ARHGEF4: variants seen among roughly 807,000 people sequenced by gnomAD.
ARHGEF4 encodes Rho guanine nucleotide exchange factor 4.
In ARHGEF4, 119 loss-of-function variants were observed where a neutral mutation model predicts 162.0. That is an observed-to-expected ratio of 0.73 (90% CI 0.63 to 0.86). The LOEUF (loss-of-function observed/expected upper bound fraction) is 0.86. Among genes scored for constraint, ARHGEF4 ranks in the 40% least tolerant of loss-of-function variants. The probability of loss-of-function intolerance (pLI) is 0.00; values close to 1 mark genes in which losing one functional copy is unlikely to be tolerated. For synonymous variants in ARHGEF4, 1,014 were observed against 979.9 expected, an observed-to-expected ratio of 1.03 and a Z score of -0.65; for missense variants, 2,488 against 2,456.0, an observed-to-expected ratio of 1.01 and a Z score of -0.28.
chr2:130,970,092 T>C (rs1685260834), intron 4 of ARHGEF4, among the ~76,000 whole-genome samples: 1 of 152,240 alleles, frequency 6.6e-6, no homozygotes, highest in South Asian at 2.1e-4. Flanking sequence ...ATAAAGCTGC[T>C]GTGAACATTA....
At chr2:131,044,690 T>C (rs1348235944) in intron 12 of ARHGEF4, 148 bp downstream of exon 12, 1 of 1,134,754 alleles carries the variant, frequency 8.8e-7, no homozygotes, top group Non-Finnish European at 1.2e-6. Flanking sequence ...GTCCCAGTCA[T>C]GAGCATAAGG....
intron 1 of ARHGEF4, among the ~76,000 whole-genome samples, chr2:130,869,262 C>T (rs920624728): frequency 1.3e-5 from 2 of 152,134 alleles, no homozygotes; most frequent in African/African-American, 4.8e-5. Context: ...GAGAAGTAAT[C>T]TGTGCCGGTG....
intron 3 of ARHGEF4, among the ~76,000 whole-genome samples, chr2:130,946,034 T>C (rs915765655): frequency 6.6e-6 from 1 of 152,192 alleles, no homozygotes; most frequent in Non-Finnish European, 1.5e-5. Flanking sequence ...AGAAAAGGCT[T>C]ATATCCCTGG....
intron 1 of ARHGEF4, among the ~76,000 whole-genome samples, chr2:130,844,167 A>G (rs984366188): frequency 6.6e-6 from 1 of 152,268 alleles, no homozygotes; most frequent in Non-Finnish European, 1.5e-5. Flanking sequence ...TCCCTGGCTC[A>G]GGAGAAGTGC....
At chr2:130,980,014 A>T (rs756187084) in intron 4 of ARHGEF4, among the ~76,000 whole-genome samples, 6 of 152,234 alleles carry the variant, frequency 3.9e-5, no homozygotes, top group Non-Finnish European at 7.3e-5. Flanking sequence ...AACACTTCAA[A>T]CCACTGTATT....
At chr2:130,843,419 G>C (rs1037146070) in intron 1 of ARHGEF4, among the ~76,000 whole-genome samples, 1 of 152,248 alleles carries the variant, frequency 6.6e-6, no homozygotes, top group Admixed American at 6.5e-5. Flanking sequence ...GGTGGAGTGG[G>C]TGGGGCAGAC....
chr2:130,940,188 A>C (rs953838751), intron 3 of ARHGEF4, among the ~76,000 whole-genome samples: 8 of 152,182 alleles, frequency 5.3e-5, no homozygotes, highest in African/African-American at 1.9e-4. Context: ...TTGTATAGTA[A>C]TTATACAACA....
Position 131,040,125 on chromosome 2 carries a change from C to G in ARHGEF4, c.4415C>G (p.Thr1472Ser), listed in dbSNP as rs761501325. 3.7e-6 allele frequency: 6 copies of G among 1,613,254 alleles called. No homozygotes were observed. The highest frequency in any genetic ancestry group is 3.4e-6 in the Non-Finnish European group (4 of 1,179,678). The part of the protein sequence containing the change: ...EAQSSKDQMR[T>S]NVINEILSTE... ...CAGAGCAGCAAGGACCAGATGCGGACCAACGTCATCAACGAGATCCTCAGC... is the reference window on the plus strand; with the variant it reads ...CAGAGCAGCAAGGACCAGATGCGGAGCAACGTCATCAACGAGATCCTCAGC... Residue 1472 changes from threonine to serine, a missense_variant, in exon 7 of 14, where the codon ACC (threonine) becomes AGC (serine). Transcript: ENST00000409359.
intron 1 of ARHGEF4, among the ~76,000 whole-genome samples, chr2:130,902,560 C>T (rs1680546876): frequency 6.6e-6 from 1 of 151,568 alleles, no homozygotes; most frequent in Non-Finnish European, 1.5e-5. Flanking sequence ...CGCCACTGCA[C>T]TCCAGCCTGA....
chr2:131,013,441 C>G (rs1254794081), intron 4 of ARHGEF4, among the ~76,000 whole-genome samples: 1 of 152,172 alleles, frequency 6.6e-6, no homozygotes, highest in Non-Finnish European at 1.5e-5. Flanking sequence ...TGGATGGTTA[C>G]TTCAACCTAA....
intron 1 of ARHGEF4, among the ~76,000 whole-genome samples, chr2:130,890,007 A>G (rs1290697726): frequency 6.6e-6 from 1 of 152,076 alleles, no homozygotes; most frequent in East Asian, 1.9e-4. Flanking sequence ...CTCTGGCTGA[A>G]TTTAAGATAC....
chr2:131,041,600 C>A, intron 9 of ARHGEF4, 138 bp downstream of exon 9: 1 of 1,105,822 alleles, frequency 9.0e-7, no homozygotes, highest in Middle Eastern at 2.4e-4. Flanking sequence ...CTGATGAGCT[C>A]CTTGCAATGG....
At chr2:131,007,321 T>C (rs1378222121) in intron 4 of ARHGEF4, among the ~76,000 whole-genome samples, 1 of 152,140 alleles carries the variant, frequency 6.6e-6, no homozygotes, top group Admixed American at 6.5e-5. Flanking sequence ...TATGTCCCTG[T>C]CCTCTCCTCT....
intron 13 of ARHGEF4, 151 bp downstream of exon 13, chr2:131,045,597 A>G (rs539690485): frequency 1.3e-6 from 2 of 1,585,278 alleles, no homozygotes; most frequent in East Asian, 2.2e-5. Flanking sequence ...AAAGGTTGGT[A>G]ATAAGGGGCC....
At chr2:131,027,854 T>C in intron 4 of ARHGEF4, 91 bp from the exon 5 acceptor site, 12 of 1,497,476 alleles carry the variant, frequency 8.0e-6, no homozygotes, top group Non-Finnish European at 1.1e-5. Context: ...GAAGCATTTG[T>C]CCTGAACCCA....
rs77233950 is a variant in ARHGEF4, at chr2:130,846,748, C to G, written c.39+9756C>G. Among the ~76,000 whole-genome samples, 4 of 152,244 alleles carry G rather than the reference C, an allele frequency of 2.6e-5. No homozygotes were observed. In the East Asian group the frequency reaches 7.7e-4, roughly 29 times the overall value. Reference sequence around the variant, plus strand: ...TGGACAGCCAGGCAGCTGGGACACTCAGGCAGCTGGTGCAGGGCATTGATG... The same window carrying G: ...TGGACAGCCAGGCAGCTGGGACACTGAGGCAGCTGGTGCAGGGCATTGATG... On this transcript the variant is annotated intron_variant, in intron 1 of 13. Transcript: ENST00000409359.
intron 5 of ARHGEF4, among the ~76,000 whole-genome samples, chr2:131,033,510 A>G (rs540018469): frequency 2.8e-4 from 42 of 152,314 alleles, no homozygotes; most frequent in Non-Finnish European, 4.0e-4. Context: ...CAGGGCCCAG[A>G]GGACATGTAC....
chr2:130,850,576 G>A (rs1296944465), intron 1 of ARHGEF4, among the ~76,000 whole-genome samples: 1 of 152,232 alleles, frequency 6.6e-6, no homozygotes, highest in African/African-American at 2.4e-5. Flanking sequence ...CCCCCAGGTG[G>A]GCTGTCTGCG....
In ARHGEF4 at chr2:131,039,243, G is replaced by A. The variant is rs1690562721; in HGVS notation, c.4305+211G>A. On this transcript the variant is annotated intron_variant, in intron 6 of 13. Coordinates refer to ENST00000409359, the MANE Select transcript of ARHGEF4 (RefSeq NM_001367493.1). Reference sequence around the variant, plus strand: ...CTGGTGAGCCCTCGGGGGCCAGAGAGGAGAGCAGTCGAGAAATGAGTGTGT... The same window carrying A: ...CTGGTGAGCCCTCGGGGGCCAGAGAAGAGAGCAGTCGAGAAATGAGTGTGT... The A allele has an allele frequency of 1.0e-5, 13 of 1,281,696 alleles. No individual in the cohort carries two copies. The South Asian group carries it at 1.2e-4, about 12-fold the overall frequency. 79.4% of individuals were successfully genotyped at this position (1,281,696 alleles called of 1,614,324 possible). A position where few individuals can be genotyped will look rare whatever the true frequency, so the allele number is the denominator to read the frequency against.
Sources: gnomAD v4.1 joint callset for allele counts (sites outside exome capture counted in the v4.1 genomes callset) on GRCh38, gnomAD v4.1.1 for gene constraint, MANE v1.5 for transcripts, NCBI Gene and HGNC (gene_info 2026-07-23, HGNC 2026-07-21) for gene names.